The following AKAP14 variants were observed in gnomAD, a reference collection of about 807,000 sequenced individuals.
AKAP14 encodes the protein A-kinase anchoring protein 14, also known as A-kinase anchor protein 14.
Under a neutral mutation model 17.0 loss-of-function variants are expected in AKAP14, and 4 were observed. That is an observed-to-expected ratio of 0.23 (90% confidence interval 0.12 to 0.54). The LOEUF is 0.54. AKAP14 is among the 20% of genes least tolerant of loss of function. The probability of loss-of-function intolerance (pLI) is 0.95; values close to 1 mark genes in which losing one functional copy is unlikely to be tolerated. For missense variants in AKAP14, 129 were observed against 150.9 expected (o/e 0.85, Z 0.76); for synonymous variants, 42 against 51.3 (o/e 0.82, Z 0.77).
intron 4 of AKAP14, among the ~76,000 whole-genome samples, chrX:119,910,833 T>C (rs1397990596): frequency 9.2e-6 from 1 of 108,741 alleles, no homozygotes; most frequent in Admixed American, 1.0e-4. Flanking sequence ...GGGCTAATTT[T>C]GTATTTTTAG....
chrX:119,920,565 T>C lies in AKAP14; in HGVS notation c.552T>C (p.Tyr184=). ...AGAAGAATCTTACTGATGCCAAATA[T>C]AGTTTCATGGAGTCATTCCCCTTCT... The part of the protein sequence containing the change: ...NWQKNLTDAK[Y]SFMESFPFLF... Residue 184 remains tyrosine (Y), a synonymous_variant, in exon 7 of 7, where the codon TAT becomes TAC. Transcript: ENST00000371431. The C allele has an allele frequency of 5.0e-6, 6 of 1,209,765 alleles. No individual in the cohort carries two copies. The African/African-American group carries it at 8.6e-5, about 17-fold the overall frequency.
At chrX:119,902,841 G>A (rs1488998978) in intron 2 of AKAP14, among the ~76,000 whole-genome samples, 1 of 111,293 alleles carries the variant, frequency 9.0e-6, no homozygotes, top group Non-Finnish European at 1.9e-5. Context: ...ACAGGCGCCC[G>A]CCACCACACC....
At chrX:119,903,680 AG>A (rs928947503) in intron 4 of AKAP14, 94 bp downstream of exon 4, 2 of 1,168,364 alleles carry the variant, frequency 1.7e-6, no homozygotes, top group Non-Finnish European at 1.1e-6. Context: ...TGGAAAATCT[AG>A]GAGATGGTAT....
chrX:119,902,837 G>A (rs1232419749), intron 2 of AKAP14, among the ~76,000 whole-genome samples: 3 of 110,920 alleles, frequency 2.7e-5, no homozygotes, highest in Admixed American at 9.7e-5. Flanking sequence ...GATTACAGGC[G>A]CCCGCCACCA....
intron 4 of AKAP14, among the ~76,000 whole-genome samples, chrX:119,913,182 A>G (rs1453205223): frequency 9.0e-6 from 1 of 111,005 alleles, no homozygotes; most frequent in Non-Finnish European, 1.9e-5. Context: ...AAAATTTTAA[A>G]AAGAAAGGGG....
intron 4 of AKAP14, 187 bp downstream of exon 4, chrX:119,903,773 T>C: frequency 1.3e-6 from 1 of 786,208 alleles, no homozygotes; most frequent in Non-Finnish European, 1.8e-6. Flanking sequence ...GAAGGTGAAA[T>C]GCACAATCAC....
chrX:119,913,113 C>A lies in AKAP14; in HGVS notation c.262-1586C>A, dbSNP rs1171650993. ...GGCCAGCCTGGACAACATAGCAAGACCTGGTCTCTAAAATAAATAAATAAA... is the reference window on the plus strand; with the variant it reads ...GGCCAGCCTGGACAACATAGCAAGAACTGGTCTCTAAAATAAATAAATAAA... On this transcript the variant is annotated intron_variant, in intron 4 of 6. Coordinates refer to ENST00000371431, the MANE Select transcript of AKAP14 (RefSeq NM_178813.6). Among the ~76,000 whole-genome samples, 5 of 93,344 alleles carry A rather than the reference C, an allele frequency of 5.4e-5. No homozygotes were observed. In the Admixed American group the frequency reaches 6.3e-4, roughly 12 times the overall value. 81.1% of individuals were successfully genotyped at this position (93,344 alleles called of 115,157 possible).
rs1556398871 is a variant in AKAP14, at chrX:119,908,300, A to AAGAAG, written c.261+4715_261+4716insGAAGA. Among the ~76,000 whole-genome samples, 367 of 103,496 alleles carry AAGAAG rather than the reference A, an allele frequency of 3.5e-3. 4 individuals are homozygous for AAGAAG. Among genetic ancestry groups the AAGAAG allele is most frequent in the African/African-American group, 0.012 (331 of 28,503 alleles). 89.9% of individuals were successfully genotyped at this position (103,496 alleles called of 115,157 possible). Reference sequence around the variant, plus strand: ...AGACTCTGTCAAAAAAAAAAAAAAAAAAGAAGGATGGTATAGGATGGTATA... The same window carrying AAGAAG: ...AGACTCTGTCAAAAAAAAAAAAAAAAAGAAGAAGAAGGATGGTATAGGATGGTATA... On this transcript the variant is annotated intron_variant, in intron 4 of 6. Transcript: ENST00000371431.
intron 4 of AKAP14, among the ~76,000 whole-genome samples, chrX:119,905,097 C>T (rs761854398): frequency 9.1e-6 from 1 of 110,342 alleles, no homozygotes; most frequent in African/African-American, 3.3e-5. Context: ...TTCTGTGGAA[C>T]AGAGACCAGT....
At chrX:119,906,487 C>A (rs1308936973) in intron 4 of AKAP14, among the ~76,000 whole-genome samples, 1 of 108,775 alleles carries the variant, frequency 9.2e-6, no homozygotes, top group African/African-American at 3.3e-5. Context: ...CCTGCCTCGG[C>A]CTCCCAAAGT....
chrX:119,907,524 C>T (rs1359740080), intron 4 of AKAP14, among the ~76,000 whole-genome samples: 1 of 110,932 alleles, frequency 9.0e-6, no homozygotes, highest in African/African-American at 3.3e-5. Context: ...GTGGCGCAAT[C>T]TCGGCTCACT....
intron 4 of AKAP14, among the ~76,000 whole-genome samples, chrX:119,905,589 C>G (rs955783966): frequency 9.0e-6 from 1 of 111,120 alleles, no homozygotes; most frequent in Non-Finnish European, 1.9e-5. Flanking sequence ...TATGGTTCAG[C>G]TCCCATCACT....
At chrX:119,896,029 G>A (rs1368102011) in intron 1 of AKAP14, 42 bp downstream of exon 1, 4 of 111,426 alleles carry the variant, frequency 3.6e-5, no homozygotes, top group Non-Finnish European at 7.5e-5. Flanking sequence ...CGGTCAGACA[G>A]TTGCTGTGAT....
At chrX:119,914,384 G>A (rs922896188) in intron 4 of AKAP14, among the ~76,000 whole-genome samples, 43 of 111,087 alleles carry the variant, frequency 3.9e-4, no homozygotes, top group Admixed American at 1.2e-3. Context: ...GTAGTGGTGC[G>A]ATCACAGCTC....
Position 119,897,310 on chromosome X carries a change from C to A in AKAP14, c.-11+1043C>A, listed in dbSNP as rs186726841. ...AAGTAGCTGGGACTACAGGCACCCG[C>A]CACCACGGCTGGCTAATTTTTTGTA... On this transcript the variant is annotated intron_variant, in intron 2 of 6. Transcript: ENST00000371431. Among the ~76,000 whole-genome samples, 3 of 109,610 alleles carry A rather than the reference C, an allele frequency of 2.7e-5. No homozygotes were observed. In the East Asian group the frequency reaches 8.6e-4, roughly 32 times the overall value.
chrX:119,898,745 C>T (rs1297055424), intron 2 of AKAP14, among the ~76,000 whole-genome samples: 1 of 99,411 alleles, frequency 1.0e-5, no homozygotes, highest in East Asian at 3.2e-4. Context: ...TGCAGTGAGC[C>T]GAGATTTCGC....
chrX:119,913,143 TAAATAAATA>T (rs1451925956), intron 4 of AKAP14, among the ~76,000 whole-genome samples: 13 of 105,348 alleles, frequency 1.2e-4, no homozygotes, highest in African/African-American at 4.3e-4. Flanking sequence ...AATAAATAAA[TAAATAAATA>T]AAATAAAATA....
chrX:119,896,805 C>CTTTTTTTTTTTT lies in AKAP14; in HGVS notation c.-11+545_-11+546insTTTTTTTTTTTT, dbSNP rs765107118. On this transcript the variant is annotated intron_variant, in intron 2 of 6. Coordinates refer to ENST00000371431, the MANE Select transcript of AKAP14 (RefSeq NM_178813.6). ...CAAATGGGCAATTTTCTTTTCTTTTCTTTTTTTCTTTTTTTTTTTTTTTGA... is the reference window on the plus strand; with the variant it reads ...CAAATGGGCAATTTTCTTTTCTTTTCTTTTTTTTTTTTTTTTTTTCTTTTTTTTTTTTTTTGA... Among the ~76,000 whole-genome samples, 4 of 70,767 alleles carry CTTTTTTTTTTTT rather than the reference C, an allele frequency of 5.7e-5. 1 individual carries two copies. The highest frequency in any genetic ancestry group is 7.6e-5 in the Non-Finnish European group (3 of 39,218). 61.5% of individuals were successfully genotyped at this position (70,767 alleles called of 115,157 possible).
intron 4 of AKAP14, among the ~76,000 whole-genome samples, chrX:119,910,714 G>A (rs187532362): frequency 1.8e-5 from 2 of 110,980 alleles, no homozygotes; most frequent in Non-Finnish European, 3.8e-5. Flanking sequence ...CCAGGCTGGT[G>A]TGCAATGGCG....
Sources: allele counts gnomAD v4.1 joint callset (sites outside exome capture counted in the v4.1 genomes callset), GRCh38; gene constraint gnomAD v4.1.1; transcripts MANE v1.5; gene names NCBI Gene and HGNC (gene_info 2026-07-23, HGNC 2026-07-21).